MOB3B: variants seen among roughly 807,000 people sequenced by gnomAD.
MOB3B encodes the protein MOB kinase activator-like 2B.
Under a neutral mutation model 18.7 loss-of-function variants are expected in MOB3B, and 7 were observed. The ratio of observed to expected loss-of-function variants is 0.37; its 90% CI spans 0.21 to 0.70. The LOEUF is 0.70. Ranked by LOEUF, MOB3B falls within the 30% of genes least tolerant of loss-of-function variation. The pLI, the probability that MOB3B is intolerant of heterozygous loss-of-function variation, is 0.52. For missense variants in MOB3B, 253 were observed against 281.3 expected, an observed-to-expected ratio of 0.90 and a Z score of 0.72; for synonymous variants, 111 against 99.9, an observed-to-expected ratio of 1.11 and a Z score of -0.66.
intron 1 of MOB3B, chr9:27,524,206 G>T: frequency 1.3e-6 from 1 of 760,710 alleles, no homozygotes; most frequent in Non-Finnish European, 1.9e-6. Context: ...CGCAACCTTG[G>T]TTAACTGTGA....
intron 2 of MOB3B, among the ~76,000 whole-genome samples, chr9:27,435,887 C>T (rs748254928): frequency 6.4e-4 from 97 of 152,330 alleles, no homozygotes; most frequent in Non-Finnish European, 1.3e-3. Flanking sequence ...AGGTGTGAGC[C>T]ACCATACCCA....
At chr9:27,485,528 A>T (rs906344992) in intron 1 of MOB3B, among the ~76,000 whole-genome samples, 4 of 152,234 alleles carry the variant, frequency 2.6e-5, no homozygotes, top group African/African-American at 9.6e-5. Context: ...TGTCTCTGGA[A>T]TGTCTCCAAT....
At chr9:27,522,018 G>A (rs1432143879) in intron 1 of MOB3B, among the ~76,000 whole-genome samples, 2 of 151,730 alleles carry the variant, frequency 1.3e-5, no homozygotes, top group Non-Finnish European at 2.9e-5. Context: ...CGAGGCGGTC[G>A]GATCATGAGG....
chr9:27,455,629 C>T lies in MOB3B; in HGVS notation c.-79G>A. On this transcript the variant is annotated 5_prime_UTR_variant, in exon 2 of 4. Coordinates refer to ENST00000262244, the MANE Select transcript of MOB3B (RefSeq NM_024761.5). ...TTTTCAGGGAGAGATCACAGCCCAA[C>T]AGTGTTTTCCACTGCCAGCACTCAG... The T allele has an allele frequency of 1.3e-6, 2 of 1,592,602 alleles. No individual in the cohort carries two copies. Among genetic ancestry groups the T allele is most frequent in the South Asian group, 1.1e-5 (1 of 87,412 alleles).
intron 2 of MOB3B, among the ~76,000 whole-genome samples, chr9:27,442,709 G>A (rs565699554): frequency 6.6e-6 from 1 of 152,240 alleles, no homozygotes; most frequent in South Asian, 2.1e-4. Context: ...AGTGGCTTCC[G>A]GCTCTTGTTA....
chr9:27,403,454 G>GAAACA (rs1821915088), intron 2 of MOB3B, among the ~76,000 whole-genome samples: 1 of 146,378 alleles, frequency 6.8e-6, no homozygotes, highest in South Asian at 2.2e-4. Context: ...ATCCCAAAGA[G>GAAACA]AAACACACTA....
At chr9:27,456,404 GA>G (rs1439180734) in intron 1 of MOB3B, among the ~76,000 whole-genome samples, 1 of 152,152 alleles carries the variant, frequency 6.6e-6, no homozygotes, top group Non-Finnish European at 1.5e-5. Flanking sequence ...AATACACAGA[GA>G]AACAGAGACA....
rs1820714023 is a variant in MOB3B at position 27,326,518 on chromosome 9, AG to A, written c.*4068del. 1 of 398,474 alleles carries A rather than the reference AG, an allele frequency of 2.5e-6. No homozygotes were observed. The highest frequency in any genetic ancestry group is 2.1e-5 in the African/African-American group (1 of 48,636). 24.7% of individuals were successfully genotyped at this position (398,474 alleles called of 1,614,324 possible). ...GAATTCAAGATGTTGTGGAGGGTTCAGTGGGTTGGTTATACCAAAGAATGCT... is the reference window on the plus strand; with the variant it reads ...GAATTCAAGATGTTGTGGAGGGTTCATGGGTTGGTTATACCAAAGAATGCT... On this transcript the variant is annotated 3_prime_UTR_variant, in exon 4 of 4. Coordinates refer to ENST00000262244, the MANE Select transcript of MOB3B (RefSeq NM_024761.5).
chr9:27,358,900 C>T (rs368612868), intron 3 of MOB3B, 134 bp downstream of exon 3: 3 of 919,678 alleles, frequency 3.3e-6, no homozygotes, highest in South Asian at 2.6e-5. Context: ...GACCACTAAA[C>T]CCCATTCAAT....
At chr9:27,524,444 C>T in intron 1 of MOB3B, 8 of 1,614,054 alleles carry the variant, frequency 5.0e-6, no homozygotes, top group Non-Finnish European at 6.8e-6. Flanking sequence ...TGAACGTTCA[C>T]CTGAGAAGAG....
chr9:27,375,310 G>C (rs950801474), intron 2 of MOB3B, among the ~76,000 whole-genome samples: 30 of 152,156 alleles, frequency 2.0e-4, no homozygotes, highest in African/African-American at 7.0e-4. Flanking sequence ...TGTGCAGAAG[G>C]CACCATTTAC....
chr9:27,460,367 A>AT (rs1819267158), intron 1 of MOB3B, among the ~76,000 whole-genome samples: 1 of 152,246 alleles, frequency 6.6e-6, no homozygotes, highest in African/African-American at 2.4e-5. Context: ...CATGTGCACT[A>AT]TAAAAACATG....
chr9:27,371,396 G>C (rs932564586), intron 2 of MOB3B, among the ~76,000 whole-genome samples: 5 of 152,296 alleles, frequency 3.3e-5, no homozygotes, highest in African/African-American at 7.2e-5. Context: ...AAGACGGTGA[G>C]TGGATGCTGA....
At chr9:27,350,235 CAA>C (rs34779449) in intron 3 of MOB3B, among the ~76,000 whole-genome samples, 55 of 66,814 alleles carry the variant, frequency 8.2e-4, no homozygotes, top group South Asian at 2.4e-3. Context: ...AAGTATATAC[CAA>C]AAAAAAAAAA....
rs750477982 is a variant in MOB3B at position 27,524,698 on chromosome 9, A to T, written c.-199+4857T>A. On this transcript the variant is annotated intron_variant, in intron 1 of 3. Transcript: ENST00000262244. ...CAAATCCAAATAGGACTTGATCAGC[A>T]AGCAGAGTACCTGAACCAATGCTTG... 3 of 1,614,104 alleles carry T rather than the reference A, an allele frequency of 1.9e-6. No individual in the cohort carries two copies. In the Admixed American group the frequency reaches 5.0e-5, roughly 27 times the overall value.
intron 2 of MOB3B, among the ~76,000 whole-genome samples, chr9:27,418,743 A>T (rs7040540): frequency 0.35 from 53,878 of 152,048 alleles, 9,762 homozygotes; most frequent in Non-Finnish European, 0.38. Context: ...AATGGGGAAA[A>T]GTTGAAAACA....
chr9:27,524,679 C>T (rs1395738653), intron 1 of MOB3B: 2 of 1,613,898 alleles, frequency 1.2e-6, no homozygotes, highest in Non-Finnish European at 1.7e-6. Flanking sequence ...CAAACAAATC[C>T]AAATAGGACT....
chr9:27,389,821 A>G (rs1821701570), intron 2 of MOB3B, among the ~76,000 whole-genome samples: 1 of 152,158 alleles, frequency 6.6e-6, no homozygotes, highest in African/African-American at 2.4e-5. Flanking sequence ...TATGTGGCAT[A>G]CAGCTCCCAT....
chr9:27,519,255 T>TG (rs1289343796), intron 1 of MOB3B, among the ~76,000 whole-genome samples: 7 of 152,216 alleles, frequency 4.6e-5, no homozygotes, highest in African/African-American at 1.7e-4. Context: ...GCACCTACTA[T>TG]GGGCCAGGTG....
Sources: allele counts gnomAD v4.1 joint callset (sites outside exome capture counted in the v4.1 genomes callset), GRCh38; gene constraint gnomAD v4.1.1; transcripts MANE v1.5; gene names NCBI Gene and HGNC (gene_info 2026-07-23, HGNC 2026-07-21).